Variants in ANKFN1 observed in about 807,000 individuals in gnomAD.
ANKFN1 encodes the protein ankyrin repeat and fibronectin type-III domain-containing protein 1.
In ANKFN1, 74 loss-of-function variants were observed where a neutral mutation model predicts 108.7. The ratio of observed to expected loss-of-function variants is 0.68; its 90% confidence interval spans 0.56 to 0.83. The LOEUF is 0.83. Among genes scored for constraint, ANKFN1 ranks in the 40% least tolerant of loss-of-function variants. The probability of loss-of-function intolerance (pLI) is 0.00; values close to 1 mark genes in which losing one functional copy is unlikely to be tolerated. For synonymous variants in ANKFN1, 547 were observed against 516.2 expected (o/e 1.06, Z -0.81); for missense variants, 1,505 against 1,382.3 (o/e 1.09, Z -1.41).
At chr17:56,266,722 TA>T (rs2043661708) in intron 3 of ANKFN1, among the ~76,000 whole-genome samples, 1 of 152,150 alleles carries the variant, frequency 6.6e-6, no homozygotes, top group Non-Finnish European at 1.5e-5. Flanking sequence ...AATTTGCTGT[TA>T]AAGACCGTGT....
chr17:56,287,878 G>A (rs916148529), intron 3 of ANKFN1, among the ~76,000 whole-genome samples: 1 of 152,294 alleles, frequency 6.6e-6, no homozygotes, highest in Admixed American at 6.5e-5. Context: ...GTTACACAGT[G>A]TGGGGATGGG....
At chr17:56,131,580 G>T (rs1907286053) in intron 4 of ANKFN1, among the ~76,000 whole-genome samples, 1 of 152,158 alleles carries the variant, frequency 6.6e-6, no homozygotes, top group African/African-American at 2.4e-5. Context: ...CTGTTCCAAG[G>T]ACATTAATCA....
intron 3 of ANKFN1, among the ~76,000 whole-genome samples, chr17:56,312,762 A>T (rs1243239711): frequency 6.6e-6 from 1 of 152,238 alleles, no homozygotes; most frequent in Non-Finnish European, 1.5e-5. Flanking sequence ...TGAATAAGGG[A>T]TGGATTCCCT....
intron 8 of ANKFN1, among the ~76,000 whole-genome samples, chr17:56,437,973 G>GGTGTGTGTGTGTGTGTGT (rs150040769): frequency 2.1e-5 from 3 of 142,176 alleles, no homozygotes; most frequent in African/African-American, 2.7e-5. Context: ...ATCTACTGTA[G>GGTGTGTGTGTGTGTGTGT]GTGTGTGTGT....
At chr17:56,380,104 CT>C (rs1166279511) in intron 8 of ANKFN1, among the ~76,000 whole-genome samples, 1 of 152,190 alleles carries the variant, frequency 6.6e-6, no homozygotes, top group Non-Finnish European at 1.5e-5. Context: ...CATGAGCTGT[CT>C]TCCTAATCAG....
chr17:56,502,350 G>C lies in ANKFN1; in HGVS notation c.2644+3252G>C, dbSNP rs567665102. Among the ~76,000 whole-genome samples, 29 of 152,266 alleles carry C rather than the reference G, an allele frequency of 1.9e-4. No homozygotes were observed. The South Asian group carries it at 6.0e-3, about 32-fold the overall frequency. ...CGGGTTGCACCACTCCCTGCTAAGA[G>C]GATCTGGCCAATTACATTCAGATTT... On this transcript the variant is annotated intron_variant, in intron 20 of 20. Transcript: ENST00000682825.
At chr17:56,399,914 A>G (rs2047706478) in intron 8 of ANKFN1, among the ~76,000 whole-genome samples, 1 of 147,104 alleles carries the variant, frequency 6.8e-6, no homozygotes, top group South Asian at 2.1e-4. Flanking sequence ...TTATATATAT[A>G]TATTATATAT....
chr17:56,303,051 T>C (rs1004078661), intron 3 of ANKFN1, among the ~76,000 whole-genome samples: 5 of 152,254 alleles, frequency 3.3e-5, no homozygotes, highest in African/African-American at 1.2e-4. Context: ...ATGCTCTGTC[T>C]ACTACACAAG....
chr17:56,481,082 CAAAAAA>C (rs11439875), intron 17 of ANKFN1, among the ~76,000 whole-genome samples: 1 of 65,882 alleles, frequency 1.5e-5, no homozygotes, highest in African/African-American at 4.5e-5. Context: ...GTCTGGTCAG[CAAAAAA>C]AAAAAAAAAA....
chr17:56,092,984 G>C (rs752521070), intron 4 of ANKFN1, among the ~76,000 whole-genome samples: 16 of 151,080 alleles, frequency 1.1e-4, no homozygotes, highest in African/African-American at 3.9e-4. Context: ...GGGTTCCTGT[G>C]ATTAGATTAG....
intron 4 of ANKFN1, among the ~76,000 whole-genome samples, chr17:56,330,354 C>T (rs2045629610): frequency 6.7e-6 from 1 of 148,386 alleles, no homozygotes; most frequent in African/African-American, 2.4e-5. Context: ...GATTTATTCA[C>T]TACCATGAGA....
chr17:56,452,543 C>T lies in ANKFN1; in HGVS notation c.1207+3357C>T, dbSNP rs534221003. Among the ~76,000 whole-genome samples, 9 of 152,180 alleles carry T rather than the reference C, an allele frequency of 5.9e-5. No homozygotes were observed. The South Asian group carries it at 1.9e-3, about 32-fold the overall frequency. On this transcript the variant is annotated intron_variant, in intron 11 of 20. Transcript: ENST00000682825. ...CTCTCTGGAAATATTTGCTAGCAAC[C>T]ATAGGAGAGGGAAAAATAACTCTTG...
chr17:56,205,318 T>C (rs1161979987), intron 1 of ANKFN1, among the ~76,000 whole-genome samples: 2 of 152,184 alleles, frequency 1.3e-5, no homozygotes, highest in Non-Finnish European at 2.9e-5. Flanking sequence ...GCGGGTACAA[T>C]TGTCAAAAAT....
chr17:56,247,000 C>A (rs1261749380), intron 3 of ANKFN1, among the ~76,000 whole-genome samples: 1 of 152,166 alleles, frequency 6.6e-6, no homozygotes, highest in Non-Finnish European at 1.5e-5. Context: ...AAAAGAACAT[C>A]AAGCTGAAGT....
chr17:56,186,579 T>C (rs1912234633), intron 1 of ANKFN1, among the ~76,000 whole-genome samples: 2 of 152,148 alleles, frequency 1.3e-5, no homozygotes, highest in African/African-American at 4.8e-5. Context: ...ATCTCTAAGG[T>C]CATTTTGTGT....
chr17:56,445,001 T>C (rs954086181), intron 10 of ANKFN1, among the ~76,000 whole-genome samples: 1 of 152,198 alleles, frequency 6.6e-6, no homozygotes, highest in Admixed American at 6.5e-5. Flanking sequence ...ATCCCTAAGG[T>C]CCCTGACTCT....
intron 4 of ANKFN1, among the ~76,000 whole-genome samples, chr17:56,111,772 T>G (rs1357759494): frequency 3.9e-5 from 6 of 152,208 alleles, no homozygotes; most frequent in Non-Finnish European, 7.3e-5. Flanking sequence ...GCTAACATAA[T>G]TATAAAGTAC....
intron 4 of ANKFN1, among the ~76,000 whole-genome samples, chr17:56,134,306 T>C (rs7221775): frequency 0.98 from 149,909 of 152,236 alleles, 73,817 homozygotes; most frequent in East Asian, 1. Context: ...ACTCTCCAAG[T>C]CCACAGTTTA....
At chr17:56,145,791 C>T (rs1908220946) in intron 4 of ANKFN1, among the ~76,000 whole-genome samples, 1 of 152,190 alleles carries the variant, frequency 6.6e-6, no homozygotes, top group Admixed American at 6.5e-5. Context: ...CTCACATCAG[C>T]ATTAACTCAA....
Sources: allele counts gnomAD v4.1 joint callset (sites outside exome capture counted in the v4.1 genomes callset), GRCh38; gene constraint gnomAD v4.1.1; transcripts MANE v1.5; gene names NCBI Gene and HGNC (gene_info 2026-07-23, HGNC 2026-07-21).